KDM6A: variants seen among roughly 807,000 people sequenced by gnomAD.
KDM6A encodes the protein lysine-specific demethylase 6A.
In KDM6A, 11 loss-of-function variants were observed where a neutral mutation model predicts 117.6. The ratio of observed to expected loss-of-function variants is 0.09; its 90% CI spans 0.06 to 0.15. The LOEUF (loss-of-function observed/expected upper bound fraction) is 0.15, where lower values mean the gene tolerates loss of function less well. Among genes scored for constraint, KDM6A ranks in the 10% least tolerant of loss-of-function variants. The pLI, the probability that KDM6A is intolerant of heterozygous loss-of-function variation, is 1.00. For missense variants in KDM6A, 799 were observed against 1,077.3 expected (o/e 0.74, Z 3.62); for synonymous variants, 384 against 396.1 (o/e 0.97, Z 0.36).
At chrX:44,985,716 C>G (rs1306323461) in intron 4 of KDM6A, among the ~76,000 whole-genome samples, 2 of 111,621 alleles carry the variant, frequency 1.8e-5, no homozygotes, top group African/African-American at 6.5e-5. Context: ...TACGTTTACT[C>G]ATTTGCGTAT....
At chrX:45,086,911 G>T (rs1286793330) in intron 25 of KDM6A, among the ~76,000 whole-genome samples, 1 of 112,177 alleles carries the variant, frequency 8.9e-6, no homozygotes, top group Non-Finnish European at 1.9e-5. Context: ...CCAATTAAAG[G>T]GGGAAAACAC....
At chrX:45,082,958 A>AT (rs2045483603) in intron 23 of KDM6A, among the ~76,000 whole-genome samples, 169 bp downstream of exon 23, 3 of 110,053 alleles carry the variant, frequency 2.7e-5, no homozygotes, top group African/African-American at 3.3e-5. Context: ...AAATTTTAAA[A>AT]TTTTTTTTTA....
intron 21 of KDM6A, among the ~76,000 whole-genome samples, chrX:45,079,785 A>T (rs570157729): frequency 1.8e-5 from 2 of 112,242 alleles, no homozygotes; most frequent in South Asian, 7.3e-4. Context: ...ACCTCAAGTG[A>T]TCCGCCTACC....
chrX:44,987,074 G>GT (rs1001090660), intron 4 of KDM6A, among the ~76,000 whole-genome samples: 2 of 111,552 alleles, frequency 1.8e-5, no homozygotes, highest in Admixed American at 1.9e-4. Context: ...CTAAGGACTT[G>GT]CTTTATGAAT....
chrX:45,065,183 T>C (rs2044475671), intron 17 of KDM6A, among the ~76,000 whole-genome samples: 1 of 111,513 alleles, frequency 9.0e-6, no homozygotes, highest in African/African-American at 3.3e-5. Flanking sequence ...TGAAGCTATT[T>C]GTGATAAGAT....
At chrX:45,063,048 A>C (rs767772045) in intron 16 of KDM6A, among the ~76,000 whole-genome samples, 139 of 111,588 alleles carry the variant, frequency 1.2e-3, no homozygotes, top group Non-Finnish European at 2.3e-3. Flanking sequence ...TTTAGTTTAC[A>C]GGATCTGGCA....
chrX:44,934,724 A>C (rs2036867110), intron 2 of KDM6A, among the ~76,000 whole-genome samples: 1 of 111,322 alleles, frequency 9.0e-6, no homozygotes, highest in South Asian at 3.8e-4. Context: ...TTGGGGATAG[A>C]TCTATGAATG....
At chrX:45,048,159 C>CAAAA (rs571121737) in intron 8 of KDM6A, among the ~76,000 whole-genome samples, 22 of 34,280 alleles carry the variant, frequency 6.4e-4, no homozygotes, top group East Asian at 2.2e-3. Flanking sequence ...AAGTGCGTCT[C>CAAAA]AAAAAAAAAA....
intron 4 of KDM6A, among the ~76,000 whole-genome samples, chrX:44,980,264 G>A (rs2039833686): frequency 9.0e-6 from 1 of 111,333 alleles, no homozygotes; most frequent in African/African-American, 3.3e-5. Flanking sequence ...AAAGTGCTGG[G>A]ATTATAGGCA....
At position 44,961,410 on chromosome X, in the gene KDM6A, CATT is replaced by C; in HGVS notation, c.334+22_334+24del. The C allele has an allele frequency of 1.0e-6, 1 of 1,003,407 alleles. No homozygotes were observed. The highest frequency in any genetic ancestry group is 1.4e-6 in the Non-Finnish European group (1 of 710,360). 82.7% of individuals were successfully genotyped at this position (1,003,407 alleles called of 1,213,427 possible). The stretch of plus-strand genomic sequence containing the variant: ...TCCAAAAGGTAATTTTTTTCTTGTT[CATT>C]ATTGTTTGATTTATACATGTGTTGG... On this transcript the variant is annotated intron_variant, in intron 3 of 29. Transcript: ENST00000611820.
At chrX:45,027,670 G>T (rs989800893) in intron 6 of KDM6A, among the ~76,000 whole-genome samples, 1 of 111,449 alleles carries the variant, frequency 9.0e-6, no homozygotes, top group African/African-American at 3.3e-5. Flanking sequence ...GGACCGGGAA[G>T]GGAAAGAAAT....
chrX:45,004,890 G>A (rs1434107069), intron 4 of KDM6A, among the ~76,000 whole-genome samples: 2 of 110,161 alleles, frequency 1.8e-5, no homozygotes, highest in African/African-American at 3.3e-5. Context: ...ACATTAACTC[G>A]ACCCAAGTGT....
chrX:44,998,676 C>CA (rs2147470784), intron 4 of KDM6A, among the ~76,000 whole-genome samples: 1 of 111,263 alleles, frequency 9.0e-6, no homozygotes, highest in East Asian at 2.8e-4. Flanking sequence ...AACTGTGTAT[C>CA]ACTAGGTTTG....
intron 10 of KDM6A, among the ~76,000 whole-genome samples, chrX:45,058,071 ACT>A (rs1478749746): frequency 2.2e-5 from 1 of 45,197 alleles, no homozygotes. Context: ...CCTTACTCTT[ACT>A]CTCCCCCCCC....
At chrX:45,012,198 T>C (rs1406644713) in intron 5 of KDM6A, among the ~76,000 whole-genome samples, 1 of 45,874 alleles carries the variant, frequency 2.2e-5, no homozygotes, top group African/African-American at 2.4e-4. Flanking sequence ...CCAATGTAGA[T>C]TTTTTTTTTT....
intron 4 of KDM6A, among the ~76,000 whole-genome samples, chrX:45,006,429 C>T (rs1203464418): frequency 9.1e-6 from 1 of 110,312 alleles, no homozygotes; most frequent in Non-Finnish European, 1.9e-5. Flanking sequence ...GAAGGGTGTG[C>T]CTTCTATAGA....
intron 2 of KDM6A, among the ~76,000 whole-genome samples, chrX:44,947,962 G>A (rs1187224244): frequency 9.0e-6 from 1 of 111,094 alleles, no homozygotes; most frequent in African/African-American, 3.3e-5. Flanking sequence ...TTGATATTCT[G>A]TCTGTCTCCA....
At chrX:45,108,578 A>G (rs1228840660) in intron 28 of KDM6A, among the ~76,000 whole-genome samples, 1 of 108,304 alleles carries the variant, frequency 9.2e-6, no homozygotes, top group African/African-American at 3.4e-5. Flanking sequence ...TCAGGGATCT[A>G]GAACTAGAAA....
intron 20 of KDM6A, 150 bp downstream of exon 20, chrX:45,078,655 ATGAG>A: frequency 2.2e-6 from 1 of 446,791 alleles, no homozygotes; most frequent in East Asian, 4.0e-5. Context: ...AGTACTAAGA[ATGAG>A]AGAGAGTGTG....
Sources: allele counts gnomAD v4.1 joint callset (sites outside exome capture counted in the v4.1 genomes callset), GRCh38; gene constraint gnomAD v4.1.1; transcripts MANE v1.5; gene names NCBI Gene and HGNC (gene_info 2026-07-23, HGNC 2026-07-21).